Variants in SPTB observed in about 807,000 individuals in gnomAD.
The protein encoded by SPTB is spectrin beta, erythrocytic, also known as spectrin beta chain, erythrocytic.
SPTB carries 45 observed loss-of-function variants against 256.2 expected under a neutral mutation model. The observed-to-expected ratio is 0.18, with a 90% CI of 0.14 to 0.23. The LOEUF (loss-of-function observed/expected upper bound fraction) is 0.23, where lower values mean the gene tolerates loss of function less well. Among genes scored for constraint, SPTB ranks in the 10% least tolerant of loss-of-function variants. SPTB has a pLI of 1.00. For missense variants in SPTB, 2,715 were observed against 3,040.4 expected (o/e 0.89, Z 2.52); for synonymous variants, 1,231 against 1,243.1 (o/e 0.99, Z 0.21).
intron 32 of SPTB, chr14:64,757,584 G>A (rs2082033417): frequency 6.6e-6 from 1 of 152,294 alleles, no homozygotes. Context: ...GAAGGCCAAG[G>A]CCAAGAATGA....
rs920219080 is a variant in SPTB, at chr14:64,816,267, C to G, written c.148+6680G>C. On this transcript the variant is annotated intron_variant, in intron 2 of 35. Transcript: ENST00000644917. The surrounding 1 kb of genome is among the most constrained non-coding windows in gnomAD (Gnocchi z 4.2). The stretch of plus-strand genomic sequence containing the variant: ...ACTGTATGGAAAGGCACGCTGAGGT[C>G]TTGAATAAAAAACTCAACATCATCA... 3.3e-5 allele frequency among the ~76,000 whole-genome samples: 5 copies of G among 152,182 alleles called. No homozygotes were observed. The highest frequency in any genetic ancestry group is 2.6e-4 in the Admixed American group (4 of 15,278).
At chr14:64,766,905 T>G in intron 31 of SPTB, 104 bp from the exon 32 acceptor site, 3 of 1,368,538 alleles carry the variant, frequency 2.2e-6, no homozygotes, top group Non-Finnish European at 2.1e-6. Context: ...GAGCACCAAA[T>G]AGCTCCCCCT....
Position 64,749,271 on chromosome 14 carries a change from C to A in SPTB, c.*35G>T, listed in dbSNP as rs768011952. On this transcript the variant is annotated 3_prime_UTR_variant, in exon 36 of 36. Transcript: ENST00000644917. The surrounding 1 kb of genome is among the most constrained non-coding windows in gnomAD (Gnocchi z 4.7). ...AGGCCTGGGCTGCCCGGTCTCTGCGCGTCCCGACTCCGCCGCGCCCGCCAG... is the reference window on the plus strand; with the variant it reads ...AGGCCTGGGCTGCCCGGTCTCTGCGAGTCCCGACTCCGCCGCGCCCGCCAG... 14 of 1,546,644 alleles carry A rather than the reference C, an allele frequency of 9.1e-6. No individual in the cohort carries two copies. The African/African-American group carries it at 1.6e-4, about 18-fold the overall frequency.
intron 2 of SPTB, among the ~76,000 whole-genome samples, chr14:64,821,187 TTA>T (rs768349885): frequency 3.3e-5 from 5 of 152,304 alleles, no homozygotes; most frequent in South Asian, 2.1e-4. Flanking sequence ...TCATTGCTGT[TTA>T]ATTTATGTGC....
At chr14:64,858,317 T>A (rs1290615704) in intron 1 of SPTB, among the ~76,000 whole-genome samples, 1 of 152,148 alleles carries the variant, frequency 6.6e-6, no homozygotes. Context: ...CTTATTTAGA[T>A]CCTTTAAAGG....
rs759151834 is a variant in SPTB, at chr14:64,794,476, C to T, written c.1786G>A (p.Glu596Lys). Residue 596 changes from glutamate (E) to lysine (K), a missense_variant, in exon 13 of 36, where the codon GAG becomes AAG. This residue lies in a region of SPTB where 2,239 missense variants were observed against 2,384.4 expected (regional missense o/e 0.94). Coordinates refer to ENST00000644917, the MANE Select transcript of SPTB (RefSeq NM_001355436.2). ...AITAATLKFTEGKGYQPCDPQ... is the reference protein window; with the variant it reads ...AITAATLKFTKGKGYQPCDPQ... ...ACAGACTTGGTCTCACCTTTCCCCTCGGTGAACTTCAGGGTGGCTGCGGTG... is the reference window on the plus strand; with the variant it reads ...ACAGACTTGGTCTCACCTTTCCCCTTGGTGAACTTCAGGGTGGCTGCGGTG... The T allele has an allele frequency of 8.1e-6, 13 of 1,614,196 alleles. No homozygotes were observed. Among genetic ancestry groups the T allele is most frequent in the Admixed American group, 3.3e-5 (2 of 60,020 alleles).
At position 64,769,641 on chromosome 14, in the gene SPTB, G is replaced by A; in HGVS notation, c.5886C>T (p.Cys1962=). The A allele has an allele frequency of 6.2e-7, 1 of 1,614,174 alleles. No individual in the cohort carries two copies. The highest frequency in any genetic ancestry group is 8.5e-7 in the Non-Finnish European group (1 of 1,180,048). ...IETRSKNFSA[C]LELGESLLQR... ...GCAGCAGGGACTCGCCAAGCTCCAG[G>A]CAGGCACTGAAGTTCTTGCTCCGGG... Residue 1962 remains cysteine (C), a synonymous_variant, in exon 28 of 36, where the codon TGC becomes TGT. Transcript: ENST00000644917.
intron 1 of SPTB, among the ~76,000 whole-genome samples, chr14:64,838,787 T>C (rs1432912946): frequency 6.6e-6 from 1 of 152,162 alleles, no homozygotes; most frequent in Non-Finnish European, 1.5e-5. Flanking sequence ...AGCAATTGCA[T>C]TGACAGGTAT....
Position 64,775,453 on chromosome 14 carries a change from G to A in SPTB, c.4564-50C>T. 1.3e-6 allele frequency: 2 copies of A among 1,581,972 alleles called. No homozygotes were observed. The highest frequency in any genetic ancestry group is 1.2e-5 in the South Asian group (1 of 86,466). ...GGCAGGGCCTTCCCACCATGCGGGG[G>A]AGGCTGCTTCAGCAGTGGCAGCACA... On this transcript the variant is annotated intron_variant, in intron 22 of 35. Transcript: ENST00000644917. The surrounding 1 kb of genome is among the most constrained non-coding windows in gnomAD (Gnocchi z 5.0).
At chr14:64,818,420 G>A (rs1402456239) in intron 2 of SPTB, among the ~76,000 whole-genome samples, 1 of 152,176 alleles carries the variant, frequency 6.6e-6, no homozygotes, top group Non-Finnish European at 1.5e-5. Flanking sequence ...GGGAGGGGAG[G>A]GAAGAGAGAA....
rs1345285669 is a variant in SPTB, at chr14:64,775,721, T to C, written c.4564-318A>G. Among the ~76,000 whole-genome samples the C allele has an allele frequency of 2.0e-5, 3 of 152,356 alleles. No individual in the cohort carries two copies. In the South Asian group the frequency reaches 6.2e-4, roughly 32 times the overall value. ...GCAGCCTGTGCTCTTGACTGTCCCCTATCTTCCTGTGCTTCAGCAGAGCTT... is the reference window on the plus strand; with the variant it reads ...GCAGCCTGTGCTCTTGACTGTCCCCCATCTTCCTGTGCTTCAGCAGAGCTT... On this transcript the variant is annotated intron_variant, in intron 22 of 35. Coordinates refer to ENST00000644917, the MANE Select transcript of SPTB (RefSeq NM_001355436.2). This position sits in a 1 kb window ranked among gnomAD's most constrained non-coding sequence, Gnocchi z 5.0.
chr14:64,864,491 T>C (rs1882041199), intron 1 of SPTB, among the ~76,000 whole-genome samples: 1 of 152,104 alleles, frequency 6.6e-6, no homozygotes, highest in African/African-American at 2.4e-5. Context: ...TGTCCTAATA[T>C]GGAAAGACGT....
chr14:64,800,197 GAGA>G (rs2082855893), intron 8 of SPTB, among the ~76,000 whole-genome samples: 1 of 152,242 alleles, frequency 6.6e-6, no homozygotes, highest in Non-Finnish European at 1.5e-5. Context: ...CCCAGTGCTA[GAGA>G]AGATTGGTAA....
At chr14:64,819,401 A>C (rs1427069760) in intron 2 of SPTB, among the ~76,000 whole-genome samples, 1 of 152,212 alleles carries the variant, frequency 6.6e-6, no homozygotes, top group African/African-American at 2.4e-5. Flanking sequence ...TAGGTCATTA[A>C]ATGGAGATGG....
At chr14:64,813,081 G>T (rs1339738719) in intron 2 of SPTB, among the ~76,000 whole-genome samples, 1 of 152,188 alleles carries the variant, frequency 6.6e-6, no homozygotes, top group African/African-American at 2.4e-5. Flanking sequence ...ATATCCTAAT[G>T]CTGGGTGTTG....
chr14:64,848,757 AT>A (rs2083733152), intron 1 of SPTB, among the ~76,000 whole-genome samples: 1 of 152,372 alleles, frequency 6.6e-6, no homozygotes, highest in East Asian at 1.9e-4. Flanking sequence ...TTATAGGGGA[AT>A]TCCAACATTT....
chr14:64,855,541 C>T (rs1486111994), intron 1 of SPTB, among the ~76,000 whole-genome samples: 3 of 21,626 alleles, frequency 1.4e-4, no homozygotes, highest in Admixed American at 4.5e-4. Flanking sequence ...TTTTCATATA[C>T]GTTGACCAGG....
chr14:64,774,612 G>A (rs1244077824), intron 23 of SPTB, 85 bp from the exon 24 acceptor site: 12 of 1,539,800 alleles, frequency 7.8e-6, no homozygotes, highest in Non-Finnish European at 9.6e-6. Context: ...TCCTGGAGGT[G>A]CCCGAGGGAG....
Position 64,795,432 on chromosome 14 carries a change from G to A in SPTB, c.1549C>T (p.Leu517=). 1 of 1,614,230 alleles carries A rather than the reference G, an allele frequency of 6.2e-7. No homozygotes were observed. The highest frequency in any genetic ancestry group is 8.5e-7 in the Non-Finnish European group (1 of 1,180,040). The change falls in exon 12 of 36, where the codon CTG becomes TTG. Residue 517 remains leucine, a synonymous_variant. Coordinates refer to ENST00000644917, the MANE Select transcript of SPTB (RefSeq NM_001355436.2). The surrounding 1 kb of genome is among the most constrained non-coding windows in gnomAD (Gnocchi z 6.5). ...TCGAGCCTCTGGCGCCGGGACTGCA[G>A]CAGCTCCTGCAGGTAGCTCCATAGG... ...LRLWSYLQEL[L]QSRRQRLETT... is the part of the protein sequence containing the mutation.
Sources: gnomAD v4.1 joint callset for allele counts (sites outside exome capture counted in the v4.1 genomes callset) on GRCh38, gnomAD v4.1.1 for gene constraint, gnomAD v4.1.1 regional missense constraint, Gnocchi (gnomAD v3.1) non-coding constraint, MANE v1.5 for transcripts, NCBI Gene and HGNC (gene_info 2026-07-23, HGNC 2026-07-21) for gene names.